GRM1: variants seen among roughly 807,000 people sequenced by gnomAD.
GRM1 encodes the protein glutamate metabotropic receptor 1.
A neutral mutation model predicts 90.9 loss-of-function variants in GRM1; 33 were observed. The ratio of observed to expected loss-of-function variants is 0.36; its 90% CI spans 0.28 to 0.49. The LOEUF is 0.49. Among genes scored for constraint, GRM1 ranks in the 20% least tolerant of loss-of-function variants. GRM1 has a pLI of 0.99. For missense variants in GRM1, 1,190 were observed against 1,534.3 expected (o/e 0.78, Z 3.75); for synonymous variants, 700 against 613.2 (o/e 1.14, Z -2.09).
At chr6:146,116,338 T>A (rs919681642) in intron 1 of GRM1, among the ~76,000 whole-genome samples, 1 of 152,200 alleles carries the variant, frequency 6.6e-6, no homozygotes, top group Non-Finnish European at 1.5e-5. Flanking sequence ...GCCTTGAATT[T>A]TATCAAAGAC....
chr6:146,392,588 A>G (rs573038780), intron 6 of GRM1, among the ~76,000 whole-genome samples: 2 of 152,310 alleles, frequency 1.3e-5, no homozygotes, highest in African/African-American at 4.8e-5. Flanking sequence ...CAGAATGTGC[A>G]GATTTGTTAC....
chr6:146,148,955 C>G (rs1183879317), intron 1 of GRM1, among the ~76,000 whole-genome samples: 1 of 152,156 alleles, frequency 6.6e-6, no homozygotes, highest in Non-Finnish European at 1.5e-5. Context: ...GAACCTGTTT[C>G]TTGCACGTGG....
chr6:146,200,581 C>T (rs1779267265), intron 2 of GRM1, among the ~76,000 whole-genome samples: 1 of 152,114 alleles, frequency 6.6e-6, no homozygotes, highest in Non-Finnish European at 1.5e-5. Context: ...GTAAGTGAGC[C>T]AGCATCCAAA....
At position 146,253,770 on chromosome 6, in the gene GRM1, A is replaced by C. The variant is rs560774374; in HGVS notation, c.951-50841A>C. 8.5e-4 allele frequency among the ~76,000 whole-genome samples: 130 copies of C among 152,278 alleles called. 1 individual carries two copies. The highest frequency in any genetic ancestry group is 1.3e-3 in the Non-Finnish European group (86 of 68,024). Reference sequence around the variant, plus strand: ...AACAAAATAAGAACTATTCACTGACAAATCTTCTGCATAACATTATTCTGT... The same window carrying C: ...AACAAAATAAGAACTATTCACTGACCAATCTTCTGCATAACATTATTCTGT... On this transcript the variant is annotated intron_variant, in intron 2 of 7. Coordinates refer to ENST00000282753, the MANE Select transcript of GRM1 (RefSeq NM_001278064.2).
intron 1 of GRM1, among the ~76,000 whole-genome samples, chr6:146,144,797 C>A (rs1206433144): frequency 6.6e-6 from 1 of 152,054 alleles, no homozygotes; most frequent in Non-Finnish European, 1.5e-5. Flanking sequence ...GCTTAGAAGA[C>A]AAGAAGATGG....
intron 4 of GRM1, among the ~76,000 whole-genome samples, chr6:146,353,133 C>T (rs559939408): frequency 6.6e-6 from 1 of 152,360 alleles, no homozygotes; most frequent in East Asian, 1.9e-4. Context: ...GTTTTACATA[C>T]AGTCTGCTCT....
intron 1 of GRM1, among the ~76,000 whole-genome samples, chr6:146,070,335 A>G (rs778049173): frequency 4.6e-5 from 7 of 152,186 alleles, no homozygotes; most frequent in Non-Finnish European, 8.8e-5. Context: ...TGAGCACTCA[A>G]TACGCATGAT....
chr6:146,374,060 T>G (rs953959110), intron 5 of GRM1, among the ~76,000 whole-genome samples: 1 of 152,154 alleles, frequency 6.6e-6, no homozygotes, highest in African/African-American at 2.4e-5. Flanking sequence ...TTTGAGGAGT[T>G]TTATTAAGAA....
At chr6:146,202,789 G>A (rs1231004041) in intron 2 of GRM1, among the ~76,000 whole-genome samples, 1 of 152,152 alleles carries the variant, frequency 6.6e-6, no homozygotes, top group Non-Finnish European at 1.5e-5. Context: ...TGCTGGGTTG[G>A]CTGCAAGAAC....
intron 2 of GRM1, among the ~76,000 whole-genome samples, chr6:146,208,588 T>C (rs183798964): frequency 2.2e-4 from 33 of 152,284 alleles, no homozygotes; most frequent in Admixed American, 1.1e-3. Context: ...ATTCTACTCA[T>C]GTCGGGGTCT....
intron 1 of GRM1, among the ~76,000 whole-genome samples, chr6:146,154,031 C>T (rs1777433682): frequency 6.6e-6 from 1 of 152,188 alleles, no homozygotes; most frequent in African/African-American, 2.4e-5. Flanking sequence ...CTCTCTGTGC[C>T]TCAGTTTCCT....
At chr6:146,271,371 A>G (rs781512973) in intron 2 of GRM1, among the ~76,000 whole-genome samples, 1 of 152,078 alleles carries the variant, frequency 6.6e-6, no homozygotes, top group Non-Finnish European at 1.5e-5. Context: ...TCCCTGGCCC[A>G]GAGCCTAGAA....
At chr6:146,092,580 G>A (rs1004201257) in intron 1 of GRM1, among the ~76,000 whole-genome samples, 15 of 152,168 alleles carry the variant, frequency 9.9e-5, no homozygotes, top group Non-Finnish European at 1.6e-4. Context: ...CATGGAGTAT[G>A]GGTATCTGTT....
At chr6:146,205,704 T>C (rs1420060135) in intron 2 of GRM1, among the ~76,000 whole-genome samples, 3 of 152,238 alleles carry the variant, frequency 2.0e-5, no homozygotes, top group African/African-American at 7.2e-5. Flanking sequence ...TTCTCCCTTT[T>C]AAGCAAGACT....
intron 2 of GRM1, among the ~76,000 whole-genome samples, chr6:146,177,870 T>C (rs546999820): frequency 6.6e-6 from 1 of 152,282 alleles, no homozygotes; most frequent in African/African-American, 2.4e-5. Context: ...AACTCTTTAT[T>C]CTGTGTATTA....
chr6:146,229,908 G>A (rs1780385418), intron 2 of GRM1, among the ~76,000 whole-genome samples: 1 of 152,096 alleles, frequency 6.6e-6, no homozygotes, highest in African/African-American at 2.4e-5. Context: ...ATAGAAGGTA[G>A]GATTTGAACC....
At chr6:146,064,840 A>G (rs1462633808) in intron 1 of GRM1, among the ~76,000 whole-genome samples, 1 of 151,758 alleles carries the variant, frequency 6.6e-6, no homozygotes, top group Non-Finnish European at 1.5e-5. Flanking sequence ...CTTTTTCTTA[A>G]TGAATATTTG....
chr6:146,030,042 C>T lies in GRM1; in HGVS notation c.525C>T (p.Leu175=). ...SSVAIQVQNL[L]QLFDIPQIAY... is the part of the protein sequence containing the mutation. ...TAGCCATTCAAGTGCAGAACCTGCT[C>T]CAGCTCTTCGACATCCCCCAGATCG... Residue 175 remains leucine, a synonymous_variant, in exon 1 of 8, where the codon CTC becomes CTT. Transcript: ENST00000282753. 1.2e-6 allele frequency: 2 copies of T among 1,614,168 alleles called. No individual in the cohort carries two copies. Among genetic ancestry groups the T allele is most frequent in the South Asian group, 2.2e-5 (2 of 91,086 alleles).
chr6:146,159,771 T>C (rs1777652884), intron 2 of GRM1, 174 bp downstream of exon 2: 4 of 620,120 alleles, frequency 6.5e-6, no homozygotes, highest in Non-Finnish European at 1.1e-5. Context: ...TCACTGTTAA[T>C]GTGAATATTG....
Sources: gnomAD v4.1 joint callset for allele counts (sites outside exome capture counted in the v4.1 genomes callset) on GRCh38, gnomAD v4.1.1 for gene constraint, MANE v1.5 for transcripts, NCBI Gene and HGNC (gene_info 2026-07-23, HGNC 2026-07-21) for gene names.